SNAP91: variants seen among roughly 807,000 people sequenced by gnomAD.
SNAP91 encodes clathrin coat assembly protein AP180.
Under a neutral mutation model 100.3 loss-of-function variants are expected in SNAP91, and 27 were observed. The observed-to-expected ratio is 0.27, with a 90% CI of 0.20 to 0.37. SNAP91 has a LOEUF of 0.37. SNAP91 is among the 10% of genes least tolerant of loss of function. The probability of loss-of-function intolerance (pLI) is 1.00; values close to 1 mark genes in which losing one functional copy is unlikely to be tolerated. For synonymous variants in SNAP91, 404 were observed against 398.6 expected (o/e 1.01, Z -0.16); for missense variants, 986 against 1,123.7 (o/e 0.88, Z 1.75).
At chr6:83,668,896 G>T (rs1586640342) in intron 2 of SNAP91, among the ~76,000 whole-genome samples, 1 of 152,128 alleles carries the variant, frequency 6.6e-6, no homozygotes, top group South Asian at 2.1e-4. Flanking sequence ...TACACCCACT[G>T]TGAGTTGAAA....
At chr6:83,559,992 C>T (rs1020640077) in intron 28 of SNAP91, 112 bp downstream of exon 28, 10 of 856,316 alleles carry the variant, frequency 1.2e-5, no homozygotes, top group Non-Finnish European at 1.9e-5. Context: ...ACTTCTGAAG[C>T]AACAGGTATG....
intron 8 of SNAP91, among the ~76,000 whole-genome samples, chr6:83,639,240 A>G (rs908777503): frequency 6.6e-6 from 1 of 152,174 alleles, no homozygotes; most frequent in African/African-American, 2.4e-5. Flanking sequence ...CATCGACCAC[A>G]TGAGTACTAT....
intron 8 of SNAP91, among the ~76,000 whole-genome samples, chr6:83,628,023 G>A (rs1442838157): frequency 6.6e-6 from 1 of 151,266 alleles, no homozygotes; most frequent in African/African-American, 2.4e-5. Context: ...CTTTCCCCCT[G>A]ATTTCCTCAA....
chr6:83,597,674 T>G (rs923816137), intron 16 of SNAP91, among the ~76,000 whole-genome samples: 1 of 152,172 alleles, frequency 6.6e-6, no homozygotes, highest in Non-Finnish European at 1.5e-5. Context: ...ACTACCTCTC[T>G]CAAATCTAAG....
intron 2 of SNAP91, among the ~76,000 whole-genome samples, chr6:83,699,536 A>G (rs217286): frequency 0.38 from 57,796 of 152,034 alleles, 11,376 homozygotes; most frequent in South Asian, 0.49. Context: ...ATTTAGATTT[A>G]TACGGATGTA....
At chr6:83,678,631 T>G (rs1456863904) in intron 2 of SNAP91, 4 of 712,208 alleles carry the variant, frequency 5.6e-6, no homozygotes, top group Non-Finnish European at 8.6e-6. Flanking sequence ...CTAAGATGTC[T>G]CTCAAATTCT....
At chr6:83,647,743 T>C (rs2098003891) in intron 7 of SNAP91, among the ~76,000 whole-genome samples, 1 of 152,172 alleles carries the variant, frequency 6.6e-6, no homozygotes. Context: ...TTGACAGTTA[T>C]ATGCAACATC....
chr6:83,702,955 C>T (rs139801263), intron 2 of SNAP91, among the ~76,000 whole-genome samples: 2,085 of 152,214 alleles, frequency 0.014, 18 homozygotes, highest in Non-Finnish European at 0.02. Context: ...TCTTCTCTCC[C>T]CTCCTAGGAC....
intron 2 of SNAP91, chr6:83,689,459 A>G (rs2099104338): frequency 6.6e-6 from 1 of 152,216 alleles, no homozygotes; most frequent in Non-Finnish European, 1.5e-5. Flanking sequence ...GAATATAGCT[A>G]TGACAAATGA....
intron 8 of SNAP91, among the ~76,000 whole-genome samples, chr6:83,633,746 G>T (rs1291230169): frequency 1.3e-5 from 2 of 152,298 alleles, no homozygotes; most frequent in Middle Eastern, 3.4e-3. Context: ...CAACAGCACT[G>T]AATGTGTTTC....
intron 2 of SNAP91, chr6:83,686,177 T>C (rs958676602): frequency 4.3e-5 from 42 of 985,246 alleles, no homozygotes; most frequent in Non-Finnish European, 4.2e-5. Flanking sequence ...ATCAACACTG[T>C]TTTTTGTTTT....
At chr6:83,616,525 AG>A (rs1031480589) in intron 10 of SNAP91, among the ~76,000 whole-genome samples, 1 of 152,170 alleles carries the variant, frequency 6.6e-6, no homozygotes, top group African/African-American at 2.4e-5. Flanking sequence ...TAGTTCAAGT[AG>A]GGAGATACTG....
chr6:83,708,165 C>T, intron 1 of SNAP91: 1 of 469,614 alleles, frequency 2.1e-6, no homozygotes, highest in African/African-American at 2.0e-5. Context: ...TCACGGAACC[C>T]CAGCGTGGGC....
intron 11 of SNAP91, among the ~76,000 whole-genome samples, chr6:83,612,410 T>G (rs1011546013): frequency 5.3e-4 from 80 of 152,088 alleles, no homozygotes; most frequent in African/African-American, 1.8e-3. Flanking sequence ...GGGAGTTAAA[T>G]CTAAATAAAA....
chr6:83,659,476 G>A (rs1356635842), intron 5 of SNAP91, among the ~76,000 whole-genome samples: 2 of 146,278 alleles, frequency 1.4e-5, no homozygotes, highest in Admixed American at 6.9e-5. Context: ...CCAAACTGGA[G>A]TGCAATGGCA....
intron 2 of SNAP91, among the ~76,000 whole-genome samples, chr6:83,669,382 T>TA (rs1414601665): frequency 6.8e-4 from 104 of 152,206 alleles, no homozygotes; most frequent in African/African-American, 2.4e-3. Context: ...AATTGTGAGA[T>TA]CTAAATGCTA....
intron 3 of SNAP91, among the ~76,000 whole-genome samples, chr6:83,664,535 T>G (rs946053060): frequency 6.6e-6 from 1 of 152,110 alleles, no homozygotes; most frequent in Admixed American, 6.6e-5. Context: ...GCAAGGGAAC[T>G]AGAATTGGAC....
intron 2 of SNAP91, among the ~76,000 whole-genome samples, chr6:83,679,970 ATAGCAC>A (rs2098964559): frequency 6.6e-6 from 1 of 152,108 alleles, no homozygotes; most frequent in Admixed American, 6.6e-5. Context: ...TATCTTTCCC[ATAGCAC>A]AGATAATGCT....
chr6:83,632,443 A>G (rs2097248866), intron 8 of SNAP91, among the ~76,000 whole-genome samples: 1 of 152,130 alleles, frequency 6.6e-6, no homozygotes. Context: ...GTCTCTAGCA[A>G]GGCTGGGGAA....
Sources: allele counts gnomAD v4.1 joint callset (sites outside exome capture counted in the v4.1 genomes callset), GRCh38; gene constraint gnomAD v4.1.1; transcripts MANE v1.5; gene names NCBI Gene and HGNC (gene_info 2026-07-23, HGNC 2026-07-21).